The following DNM3 variants were observed in gnomAD, a reference collection of about 807,000 sequenced individuals.
The protein encoded by DNM3 is dynamin-3.
DNM3 carries 47 observed loss-of-function variants against 101.6 expected under a neutral mutation model. The observed-to-expected ratio is 0.46, with a 90% CI of 0.37 to 0.59. The LOEUF is 0.59. Ranked by LOEUF, DNM3 falls within the 20% of genes least tolerant of loss-of-function variation. The pLI, the probability that DNM3 is intolerant of heterozygous loss-of-function variation, is 0.00. For synonymous variants in DNM3, 385 were observed against 387.9 expected (o/e 0.99, Z 0.09); for missense variants, 849 against 1,085.7 (o/e 0.78, Z 3.06).
chr1:172,005,793 T>C (rs530491241), intron 4 of DNM3, among the ~76,000 whole-genome samples: 2 of 152,228 alleles, frequency 1.3e-5, no homozygotes, highest in East Asian at 3.9e-4. Context: ...ATTGACTTAA[T>C]GGAAACTTTT....
intron 15 of DNM3, among the ~76,000 whole-genome samples, chr1:172,303,972 TAA>T (rs1376730494): frequency 2.6e-5 from 4 of 151,910 alleles, no homozygotes. Flanking sequence ...CTGCATCAAC[TAA>T]CCAGCAAAAT....
At chr1:171,896,357 T>C (rs1008490304) in intron 1 of DNM3, among the ~76,000 whole-genome samples, 1 of 152,148 alleles carries the variant, frequency 6.6e-6, no homozygotes, top group Non-Finnish European at 1.5e-5. Context: ...TCCTTCACAT[T>C]CCTTGTAAGT....
At chr1:172,378,957 A>G in intron 17 of DNM3, 61 bp from the exon 18 acceptor site, 1 of 1,537,512 alleles carries the variant, frequency 6.5e-7, no homozygotes, top group South Asian at 1.2e-5. Flanking sequence ...ATAACGACTG[A>G]CATTTTATTT....
At chr1:172,367,991 T>C (rs2068114751) in intron 17 of DNM3, among the ~76,000 whole-genome samples, 2 of 151,832 alleles carry the variant, frequency 1.3e-5, no homozygotes, top group Non-Finnish European at 2.9e-5. Context: ...TGGCTCTCAT[T>C]CTTCTTGCTG....
rs530050576 is a variant in DNM3, at chr1:172,030,175, A to G, written c.590-2227A>G. Among the ~76,000 whole-genome samples the G allele has an allele frequency of 2.0e-5, 3 of 152,346 alleles. 1 individual carries two copies. The South Asian group carries it at 6.2e-4, about 32-fold the overall frequency. On this transcript the variant is annotated intron_variant, in intron 4 of 20. Coordinates refer to ENST00000627582, the MANE Select transcript of DNM3 (RefSeq NM_015569.5). ...CAAATTATACTACAAGGCTACAGTAACCAAAACAGCATGGTACTGGTACCA... is the reference window on the plus strand; with the variant it reads ...CAAATTATACTACAAGGCTACAGTAGCCAAAACAGCATGGTACTGGTACCA...
intron 1 of DNM3, among the ~76,000 whole-genome samples, chr1:171,881,937 A>G (rs1178498118): frequency 6.6e-6 from 1 of 152,196 alleles, no homozygotes; most frequent in Non-Finnish European, 1.5e-5. Flanking sequence ...AAAATAGTAC[A>G]TTTACAATAA....
At chr1:172,379,213 T>A (rs774203645) in intron 18 of DNM3, 31 bp downstream of exon 18, 1 of 1,547,022 alleles carries the variant, frequency 6.5e-7, no homozygotes, top group Non-Finnish European at 8.8e-7. Flanking sequence ...TCCATTTAAC[T>A]TCTAACCCAT....
At chr1:172,110,381 C>T (rs2055378280) in intron 13 of DNM3, among the ~76,000 whole-genome samples, 1 of 152,212 alleles carries the variant, frequency 6.6e-6, no homozygotes, top group African/African-American at 2.4e-5. Context: ...TAATGTCCAT[C>T]TCCCCAATTT....
At chr1:172,192,254 A>G (rs992758864) in intron 14 of DNM3, among the ~76,000 whole-genome samples, 5 of 151,968 alleles carry the variant, frequency 3.3e-5, no homozygotes, top group Admixed American at 1.3e-4. Context: ...TGAGATAATC[A>G]TGTGGTTTTT....
At chr1:172,272,925 T>C (rs1343799835) in intron 15 of DNM3, among the ~76,000 whole-genome samples, 3 of 152,084 alleles carry the variant, frequency 2.0e-5, no homozygotes, top group African/African-American at 7.2e-5. Context: ...CAAGGACTTT[T>C]TCACTTCTAG....
At chr1:172,157,372 G>T (rs1558654026) in intron 14 of DNM3, among the ~76,000 whole-genome samples, 1 of 152,082 alleles carries the variant, frequency 6.6e-6, no homozygotes, top group Non-Finnish European at 1.5e-5. Flanking sequence ...GTATGGCCTG[G>T]TTCTTAACAG....
At chr1:171,946,843 G>A (rs1045166584) in intron 2 of DNM3, among the ~76,000 whole-genome samples, 2 of 152,076 alleles carry the variant, frequency 1.3e-5, no homozygotes, top group African/African-American at 2.4e-5. Context: ...AGGAAAGAAG[G>A]ATGAGGCTCT....
At chr1:172,135,665 T>C (rs2057182063) in intron 14 of DNM3, among the ~76,000 whole-genome samples, 1 of 142,632 alleles carries the variant, frequency 7.0e-6, no homozygotes, top group African/African-American at 2.4e-5. Context: ...AAAAGCAAGA[T>C]GTGAGAATAA....
At chr1:172,130,071 G>A (rs2056855115) in intron 13 of DNM3, among the ~76,000 whole-genome samples, 1 of 152,066 alleles carries the variant, frequency 6.6e-6, no homozygotes, top group African/African-American at 2.4e-5. Context: ...AATTTTCTCT[G>A]GGATTGGCCT....
At chr1:171,869,139 A>G (rs1340699686) in intron 1 of DNM3, among the ~76,000 whole-genome samples, 1 of 152,190 alleles carries the variant, frequency 6.6e-6, no homozygotes, top group Non-Finnish European at 1.5e-5. Context: ...GTGCTTTTTT[A>G]AGGCTGTGTA....
At chr1:172,086,870 C>T (rs1197393880) in intron 12 of DNM3, among the ~76,000 whole-genome samples, 1 of 151,842 alleles carries the variant, frequency 6.6e-6, no homozygotes, top group Non-Finnish European at 1.5e-5. Context: ...GAAGCTACTA[C>T]CTGTATGTGG....
intron 4 of DNM3, among the ~76,000 whole-genome samples, chr1:172,020,328 G>A (rs1213891653): frequency 6.6e-6 from 1 of 152,142 alleles, no homozygotes; most frequent in Non-Finnish European, 1.5e-5. Context: ...GCAAGCTGGA[G>A]TTAGACATGT....
intron 15 of DNM3, among the ~76,000 whole-genome samples, chr1:172,300,456 TC>T (rs1246513512): frequency 6.6e-6 from 1 of 152,196 alleles, no homozygotes; most frequent in East Asian, 1.9e-4. Context: ...AGTCATAAAT[TC>T]TTGCCAAGAC....
intron 14 of DNM3, among the ~76,000 whole-genome samples, chr1:172,170,340 T>A (rs1290922297): frequency 6.6e-6 from 1 of 151,824 alleles, no homozygotes; most frequent in African/African-American, 2.4e-5. Context: ...GAAGCTGCTA[T>A]GTGAACACAG....
Sources: gnomAD v4.1 joint callset for allele counts (sites outside exome capture counted in the v4.1 genomes callset) on GRCh38, gnomAD v4.1.1 for gene constraint, MANE v1.5 for transcripts, NCBI Gene and HGNC (gene_info 2026-07-23, HGNC 2026-07-21) for gene names.